Variants in NPSR1 observed in about 807,000 individuals in gnomAD.
NPSR1 encodes neuropeptide S receptor 1.
In NPSR1, 48 loss-of-function variants were observed where a neutral mutation model predicts 46.9. The ratio of observed to expected loss-of-function variants is 1.02; its 90% CI spans 0.81 to 1.30. The LOEUF (loss-of-function observed/expected upper bound fraction) is 1.30, where lower values mean the gene tolerates loss of function less well. Ranked by LOEUF, NPSR1 falls within the 50% of genes most tolerant of loss-of-function variation. The pLI is 0.00. For missense variants in NPSR1, 450 were observed against 449.5 expected (o/e 1.00, Z -0.01); for synonymous variants, 176 against 168.1 (o/e 1.05, Z -0.36).
chr7:34,737,295 C>A (rs1784723771), intron 2 of NPSR1, among the ~76,000 whole-genome samples: 1 of 152,200 alleles, frequency 6.6e-6, no homozygotes, highest in African/African-American at 2.4e-5. Flanking sequence ...TAAGTTTTCT[C>A]TTTCTGCTGA....
intron 1 of NPSR1, among the ~76,000 whole-genome samples, chr7:34,673,592 T>C (rs896037807): frequency 6.6e-6 from 1 of 152,044 alleles, no homozygotes; most frequent in African/African-American, 2.4e-5. Flanking sequence ...GCACCTCCCA[T>C]CCCATTCACA....
In NPSR1 at chr7:34,878,084, G is replaced by A. The variant is rs13310840; in HGVS notation, c.1034G>A (p.Arg345His). The A allele has an allele frequency of 2.0e-4, 328 of 1,605,076 alleles. 2 individuals are homozygous for A. In the South Asian group the frequency reaches 3.1e-3, roughly 15 times the overall value. ...CCTTTCTTCTTTCCCAGGGTCATCC[G>A]TCTCCGTCAGCTCCAGGAGGCTGCG... The change falls in exon 9 of 9, where the codon CGT becomes CAT. Residue 345 changes from arginine to histidine, a missense_variant. Physicochemically the swap from Arg to His is conservative, Grantham distance 29. Coordinates refer to the NPSR1 transcript ENST00000359791.
chr7:34,877,732 G>C (rs1007115777), intron 8 of NPSR1, among the ~76,000 whole-genome samples: 81 of 152,300 alleles, frequency 5.3e-4, no homozygotes, highest in Middle Eastern at 3.4e-3. Flanking sequence ...AGTCACTAGA[G>C]TAATTCTAAA....
intron 4 of NPSR1, among the ~76,000 whole-genome samples, chr7:34,822,778 C>T (rs1254281839): frequency 6.6e-6 from 1 of 152,104 alleles, no homozygotes; most frequent in Non-Finnish European, 1.5e-5. Context: ...AAAAAATTAA[C>T]ACTTCAAACA....
intron 2 of NPSR1, among the ~76,000 whole-genome samples, chr7:34,733,629 T>G (rs1270530474): frequency 6.6e-6 from 1 of 152,182 alleles, no homozygotes; most frequent in African/African-American, 2.4e-5. Flanking sequence ...TAGGAATAAT[T>G]AACATCATTC....
chr7:34,801,540 A>G (rs995731345), intron 3 of NPSR1, among the ~76,000 whole-genome samples: 1 of 138,280 alleles, frequency 7.2e-6, no homozygotes, highest in African/African-American at 3.1e-5. Flanking sequence ...AAAAACACTC[A>G]ATAAATTAGG....
At chr7:34,678,623 G>A (rs190389554) in intron 1 of NPSR1, among the ~76,000 whole-genome samples, 2 of 152,052 alleles carry the variant, frequency 1.3e-5, no homozygotes, top group Non-Finnish European at 2.9e-5. Context: ...TCAGGAGATC[G>A]AGACCATCTT....
intron 8 of NPSR1, among the ~76,000 whole-genome samples, chr7:34,877,226 G>C (rs1791597045): frequency 6.6e-6 from 1 of 152,146 alleles, no homozygotes; most frequent in South Asian, 2.1e-4. Flanking sequence ...GGAAGGTAAT[G>C]TTCTGACAGG....
chr7:34,801,463 A>C (rs538428761), intron 3 of NPSR1, among the ~76,000 whole-genome samples: 6,143 of 79,168 alleles, frequency 0.078, 426 homozygotes, highest in Non-Finnish European at 0.11. Flanking sequence ...ACCAAAGACA[A>C]AAACCACATG....
At chr7:34,721,713 C>T (rs1278424557) in intron 2 of NPSR1, among the ~76,000 whole-genome samples, 1 of 152,096 alleles carries the variant, frequency 6.6e-6, no homozygotes, top group Admixed American at 6.6e-5. Context: ...AGTTTTAAGA[C>T]AATAGTTTGT....
intron 2 of NPSR1, among the ~76,000 whole-genome samples, chr7:34,693,927 A>T (rs947140136): frequency 1.3e-5 from 2 of 152,358 alleles, no homozygotes; most frequent in East Asian, 3.9e-4. Context: ...ATCTCAATAC[A>T]ATAAGGCGTC....
At chr7:34,823,091 A>G (rs1789634657) in intron 4 of NPSR1, among the ~76,000 whole-genome samples, 1 of 152,210 alleles carries the variant, frequency 6.6e-6, no homozygotes, top group South Asian at 2.1e-4. Flanking sequence ...CTAACAAGAA[A>G]CAAAGAAACA....
intron 8 of NPSR1, among the ~76,000 whole-genome samples, chr7:34,857,647 A>T (rs1360643822): frequency 6.6e-6 from 1 of 151,794 alleles, no homozygotes; most frequent in Non-Finnish European, 1.5e-5. Context: ...CGCTGAAAAA[A>T]TAATGTGACA....
chr7:34,789,181 A>G (rs1049265336), intron 3 of NPSR1, among the ~76,000 whole-genome samples: 5 of 152,012 alleles, frequency 3.3e-5, no homozygotes, highest in African/African-American at 1.2e-4. Flanking sequence ...ACCAATAAAT[A>G]CCTACATCAA....
intron 2 of NPSR1, among the ~76,000 whole-genome samples, chr7:34,757,906 C>A (rs1562706755): frequency 6.6e-6 from 1 of 152,188 alleles, no homozygotes; most frequent in Non-Finnish European, 1.5e-5. Flanking sequence ...ATCCTGGACA[C>A]CTCGTTTGCT....
chr7:34,819,344 T>G (rs982805013), intron 4 of NPSR1, among the ~76,000 whole-genome samples: 1 of 152,098 alleles, frequency 6.6e-6, no homozygotes, highest in African/African-American at 2.4e-5. Flanking sequence ...ATCAGAGAAA[T>G]GCAAATCAAA....
At chr7:34,799,628 A>G (rs1018472315) in intron 3 of NPSR1, among the ~76,000 whole-genome samples, 1 of 149,954 alleles carries the variant, frequency 6.7e-6, no homozygotes, top group Non-Finnish European at 1.5e-5. Flanking sequence ...AAATGTAAAG[A>G]CCATCGAGAG....
intron 2 of NPSR1, among the ~76,000 whole-genome samples, chr7:34,685,218 G>T (rs1194770920): frequency 6.6e-6 from 1 of 152,180 alleles, no homozygotes; most frequent in African/African-American, 2.4e-5. Context: ...CTTTGGAAAT[G>T]ACCATTCAGT....
chr7:34,674,342 C>A (rs1468554935), intron 1 of NPSR1, among the ~76,000 whole-genome samples: 1 of 152,188 alleles, frequency 6.6e-6, no homozygotes, highest in Non-Finnish European at 1.5e-5. Context: ...CTACCTGTTT[C>A]ACTTAAAATC....
Sources: allele counts gnomAD v4.1 joint callset (sites outside exome capture counted in the v4.1 genomes callset), GRCh38; gene constraint gnomAD v4.1.1; transcripts MANE v1.5; gene names NCBI Gene and HGNC (gene_info 2026-07-23, HGNC 2026-07-21).